Variants in SLC39A11 observed in about 807,000 individuals in gnomAD.
SLC39A11 encodes zinc transporter ZIP11.
Under a neutral mutation model 36.1 loss-of-function variants are expected in SLC39A11, and 33 were observed. The observed-to-expected ratio is 0.91, with a 90% CI of 0.69 to 1.22. The LOEUF (loss-of-function observed/expected upper bound fraction) is 1.22, where lower values mean the gene tolerates loss of function less well. Ranked by LOEUF, SLC39A11 falls within the 50% of genes most tolerant of loss-of-function variation. The probability of loss-of-function intolerance (pLI) is 0.00; values close to 1 mark genes in which losing one functional copy is unlikely to be tolerated. For missense variants in SLC39A11, 432 were observed against 430.3 expected (o/e 1.00, Z -0.03); for synonymous variants, 166 against 170.3 (o/e 0.97, Z 0.20).
intron 6 of SLC39A11, among the ~76,000 whole-genome samples, chr17:72,787,388 G>A (rs184531638): frequency 2.0e-5 from 3 of 151,086 alleles, no homozygotes; most frequent in African/African-American, 7.3e-5. Flanking sequence ...CTCCCGAGTA[G>A]CTGGGACTAC....
chr17:72,965,167 G>A (rs2086877914), intron 4 of SLC39A11, among the ~76,000 whole-genome samples: 1 of 152,050 alleles, frequency 6.6e-6, no homozygotes, highest in South Asian at 2.1e-4. Context: ...GTTAATGGGT[G>A]CAGCACACCA....
intron 6 of SLC39A11, among the ~76,000 whole-genome samples, chr17:72,797,032 T>G (rs2076918987): frequency 6.6e-6 from 1 of 152,140 alleles, no homozygotes; most frequent in Non-Finnish European, 1.5e-5. Flanking sequence ...AGTCAGAGCT[T>G]GAACTTCGTG....
chr17:72,940,847 AT>A (rs1417655011), intron 5 of SLC39A11, among the ~76,000 whole-genome samples: 3 of 152,196 alleles, frequency 2.0e-5, no homozygotes, highest in Non-Finnish European at 4.4e-5. Flanking sequence ...CCCGCTTCAA[AT>A]TTCTATGTTG....
At chr17:72,834,467 C>T (rs2078429405) in intron 6 of SLC39A11, among the ~76,000 whole-genome samples, 1 of 152,050 alleles carries the variant, frequency 6.6e-6, no homozygotes, top group Non-Finnish European at 1.5e-5. Context: ...ACCTAAAATA[C>T]AAAAATTACC....
intron 7 of SLC39A11, among the ~76,000 whole-genome samples, chr17:72,670,139 T>TAC (rs1198524190): frequency 1.4e-5 from 2 of 147,996 alleles, no homozygotes; most frequent in Admixed American, 6.9e-5. Flanking sequence ...GAGATACGTA[T>TAC]ACACACACAC....
At chr17:72,852,228 A>AAAC (rs1491123331) in intron 5 of SLC39A11, among the ~76,000 whole-genome samples, 1 of 134,828 alleles carries the variant, frequency 7.4e-6, no homozygotes, top group Non-Finnish European at 1.6e-5. Flanking sequence ...AAAAAAAAAA[A>AAAC]CAGAAAGAAA....
chr17:72,705,845 T>A (rs1020544866), intron 7 of SLC39A11, among the ~76,000 whole-genome samples: 3 of 152,330 alleles, frequency 2.0e-5, no homozygotes, highest in African/African-American at 7.2e-5. Flanking sequence ...CGACATTCAC[T>A]ACAGCAAAAA....
chr17:73,085,593 GATCATGCCATTGCACTCTAGCCTAGGCA>G lies in SLC39A11; in HGVS notation c.109-775_109-748del, dbSNP rs1328658371. On this transcript the variant is annotated intron_variant, in intron 2 of 9. Coordinates refer to ENST00000255559, the MANE Select transcript of SLC39A11 (RefSeq NM_139177.4). ...GGAGGCAGACATTGCAGTGAGCCAA[GATCATGCCATTGCACTCTAGCCTAGGCA>G]ACAAGAGCAAAACTCCGCCTCAAAA... Among the ~76,000 whole-genome samples the G allele has an allele frequency of 2.2e-5, 3 of 135,972 alleles. No individual in the cohort carries two copies. The Admixed American group carries it at 2.6e-4, about 12-fold the overall frequency. 89.2% of individuals were successfully genotyped at this position (135,972 alleles called of 152,430 possible).
intron 7 of SLC39A11, among the ~76,000 whole-genome samples, chr17:72,728,369 G>A (rs1449438238): frequency 6.6e-6 from 1 of 151,664 alleles, no homozygotes; most frequent in Non-Finnish European, 1.5e-5. Context: ...TTGAGCCCAG[G>A]GGGTCGAGGG....
chr17:72,791,353 G>A (rs374155475), intron 6 of SLC39A11, among the ~76,000 whole-genome samples: 3 of 152,248 alleles, frequency 2.0e-5, no homozygotes, highest in African/African-American at 7.2e-5. Context: ...TCAGGAGGCT[G>A]AGGCAGGAGA....
intron 3 of SLC39A11, among the ~76,000 whole-genome samples, chr17:73,069,605 A>G (rs2060099624): frequency 6.6e-6 from 1 of 152,250 alleles, no homozygotes; most frequent in South Asian, 2.1e-4. Context: ...GCCACTGCTA[A>G]AAAGCAATAA....
intron 7 of SLC39A11, among the ~76,000 whole-genome samples, chr17:72,682,441 G>A (rs113774359): frequency 0.038 from 5,822 of 152,168 alleles, 360 homozygotes; most frequent in African/African-American, 0.13. Flanking sequence ...TCTGGTCAAC[G>A]GTAGGCTATC....
intron 6 of SLC39A11, chr17:72,837,930 T>C (rs1598934581): frequency 1.6e-6 from 2 of 1,228,754 alleles, no homozygotes; most frequent in Non-Finnish European, 2.0e-6. Context: ...GTTTCTTTTT[T>C]TCCTCAGAGG....
At chr17:72,709,131 G>C (rs1320914384) in intron 7 of SLC39A11, among the ~76,000 whole-genome samples, 2 of 151,966 alleles carry the variant, frequency 1.3e-5, no homozygotes, top group East Asian at 3.9e-4. Context: ...GTAGAGACAG[G>C]GTTTCACCAT....
chr17:73,060,217 AAAAAAAAAAAAAAGAAAGAAAAAAG>A (rs1429107672), intron 3 of SLC39A11, among the ~76,000 whole-genome samples: 2 of 150,424 alleles, frequency 1.3e-5, no homozygotes, highest in African/African-American at 2.4e-5. Flanking sequence ...TCTCAAAAAA[AAAAAAAAAAAAAAGAAAGAAAAAAG>A]AAAAAAAAAG....
At chr17:72,759,129 T>TAATAATAATAAA (rs201794070) in intron 6 of SLC39A11, among the ~76,000 whole-genome samples, 9 of 150,876 alleles carry the variant, frequency 6.0e-5, no homozygotes, top group East Asian at 5.9e-4. Flanking sequence ...ATAATAATAA[T>TAATAATAATAAA]AAATAATCTT....
intron 7 of SLC39A11, among the ~76,000 whole-genome samples, chr17:72,719,899 G>A (rs2073582276): frequency 6.6e-6 from 1 of 152,182 alleles, no homozygotes; most frequent in African/African-American, 2.4e-5. Flanking sequence ...CTGCCCGGCG[G>A]ATGGGGGAGG....
At chr17:72,998,693 T>A (rs1041471964) in intron 4 of SLC39A11, among the ~76,000 whole-genome samples, 29 of 150,992 alleles carry the variant, frequency 1.9e-4, no homozygotes, top group African/African-American at 6.2e-4. Flanking sequence ...CAGACTCACA[T>A]CTCTATGTGG....
At chr17:72,805,693 G>A (rs188270526) in intron 6 of SLC39A11, among the ~76,000 whole-genome samples, 69 of 152,182 alleles carry the variant, frequency 4.5e-4, no homozygotes, top group Admixed American at 3.9e-3. Flanking sequence ...CCTCCTGAGT[G>A]CAAACAGTGA....
Sources: allele counts gnomAD v4.1 joint callset (sites outside exome capture counted in the v4.1 genomes callset), GRCh38; gene constraint gnomAD v4.1.1; transcripts MANE v1.5; gene names NCBI Gene and HGNC (gene_info 2026-07-23, HGNC 2026-07-21).